SPTLC2: variants seen among roughly 807,000 people sequenced by gnomAD.
SPTLC2 encodes the protein serine palmitoyltransferase long chain base subunit 2, also known as serine palmitoyltransferase 2.
SPTLC2 carries 21 observed loss-of-function variants against 62.0 expected under a neutral mutation model. The ratio of observed to expected loss-of-function variants is 0.34; its 90% CI spans 0.24 to 0.49. SPTLC2 has a LOEUF of 0.49. Ranked by LOEUF, SPTLC2 falls within the 20% of genes least tolerant of loss-of-function variation. The probability of loss-of-function intolerance (pLI) is 0.99; values close to 1 mark genes in which losing one functional copy is unlikely to be tolerated. For missense variants in SPTLC2, 511 were observed against 713.0 expected (o/e 0.72, Z 3.23); for synonymous variants, 261 against 261.8 (o/e 1.00, Z 0.03).
At chr14:77,611,458 C>A (rs201895224) in intron 1 of SPTLC2, among the ~76,000 whole-genome samples, 779 of 110,552 alleles carry the variant, frequency 7.0e-3, no homozygotes, top group African/African-American at 0.012. Context: ...CCTATCTCGC[C>A]AAAAAAAAAA....
chr14:77,584,896 A>G (rs2079772741), intron 2 of SPTLC2, among the ~76,000 whole-genome samples: 1 of 152,226 alleles, frequency 6.6e-6, no homozygotes, highest in African/African-American at 2.4e-5. Flanking sequence ...TGCCAGTGAG[A>G]AGCACATACA....
Position 77,512,193 on chromosome 14 carries a change from G to A in SPTLC2, c.*91C>T, listed in dbSNP as rs1456008483. 6 of 1,582,856 alleles carry A rather than the reference G, an allele frequency of 3.8e-6. No homozygotes were observed. Among genetic ancestry groups the A allele is most frequent in the African/African-American group, 2.7e-5 (2 of 74,204 alleles). ...GAGGCAATGTCTTTCACGTGAGATG[G>A]CCACAGAAGTGTGGTTCCTGGAACT... On this transcript the variant is annotated 3_prime_UTR_variant, in exon 12 of 12. Coordinates refer to ENST00000216484, the MANE Select transcript of SPTLC2 (RefSeq NM_004863.4).
chr14:77,616,618 C>T lies in SPTLC2; in HGVS notation c.-39G>A, dbSNP rs1278311732. The T allele has an allele frequency of 3.3e-6, 5 of 1,526,470 alleles. No individual in the cohort carries two copies. Among genetic ancestry groups the T allele is most frequent in the Non-Finnish European group, 3.5e-6 (4 of 1,139,650 alleles). 94.6% of individuals were successfully genotyped at this position (1,526,470 alleles called of 1,614,324 possible). Reference sequence around the variant, plus strand: ...CCAGGCGCAAGGCAGGCTCTGTAGGCGGTGGCAGCGGCGGCGGCTGCTCCA... The same window carrying T: ...CCAGGCGCAAGGCAGGCTCTGTAGGTGGTGGCAGCGGCGGCGGCTGCTCCA... On this transcript the variant is annotated 5_prime_UTR_variant, in exon 1 of 12. Transcript: ENST00000216484.
chr14:77,514,501 T>G (rs1219282327), intron 11 of SPTLC2, among the ~76,000 whole-genome samples: 1 of 152,192 alleles, frequency 6.6e-6, no homozygotes, highest in Non-Finnish European at 1.5e-5. Context: ...ACAGAACCTC[T>G]AGATCACAGG....
At chr14:77,615,623 G>A (rs1308085899) in intron 1 of SPTLC2, among the ~76,000 whole-genome samples, 1 of 152,170 alleles carries the variant, frequency 6.6e-6, no homozygotes, top group Non-Finnish European at 1.5e-5. Context: ...TGTCAGTCCA[G>A]ACCACTGTAA....
intron 1 of SPTLC2, among the ~76,000 whole-genome samples, chr14:77,606,425 T>A (rs892735108): frequency 1.3e-5 from 2 of 151,102 alleles, no homozygotes; most frequent in African/African-American, 4.9e-5. Flanking sequence ...GCAGTCTACA[T>A]GTTCACCTTC....
intron 9 of SPTLC2, among the ~76,000 whole-genome samples, chr14:77,528,753 C>G (rs544485093): frequency 6.6e-6 from 1 of 152,292 alleles, no homozygotes; most frequent in Admixed American, 6.5e-5. Context: ...ATATCTCTTT[C>G]ATTTAACAAT....
chr14:77,540,001 A>T (rs543582302), intron 9 of SPTLC2, among the ~76,000 whole-genome samples: 1 of 152,116 alleles, frequency 6.6e-6, no homozygotes, highest in Admixed American at 6.5e-5. Context: ...GTTCTAGACC[A>T]GCCTGACCAA....
At chr14:77,588,364 A>G (rs1379756089) in intron 2 of SPTLC2, among the ~76,000 whole-genome samples, 1 of 151,664 alleles carries the variant, frequency 6.6e-6, no homozygotes, top group African/African-American at 2.4e-5. Flanking sequence ...TTCCCACCTG[A>G]GGAAGTGTTG....
chr14:77,556,956 GA>G, intron 7 of SPTLC2, 84 bp downstream of exon 7: 1 of 1,058,870 alleles, frequency 9.4e-7, no homozygotes, highest in Non-Finnish European at 1.5e-6. Flanking sequence ...TCCAGAGGGG[GA>G]TAGACTAATG....
At chr14:77,537,993 CTTG>C (rs2079479790) in intron 9 of SPTLC2, among the ~76,000 whole-genome samples, 1 of 152,178 alleles carries the variant, frequency 6.6e-6, no homozygotes, top group Admixed American at 6.5e-5. Flanking sequence ...TCTTACTTCC[CTTG>C]TTGTTTCCAA....
At chr14:77,614,969 GA>G (rs5809840) in intron 1 of SPTLC2, among the ~76,000 whole-genome samples, 10 of 135,982 alleles carry the variant, frequency 7.4e-5, no homozygotes, top group African/African-American at 1.3e-4. Flanking sequence ...AAAACTGTCT[GA>G]AAAAAAAAAA....
rs546143558 is a variant in SPTLC2, at chr14:77,510,809, G to A, written c.*1475C>T. 2 of 152,648 alleles carry A rather than the reference G, an allele frequency of 1.3e-5. No homozygotes were observed. The highest frequency in any genetic ancestry group is 4.8e-5 in the African/African-American group (2 of 41,540). 9.5% of individuals were successfully genotyped at this position (152,648 alleles called of 1,614,324 possible). A position where few individuals can be genotyped will look rare whatever the true frequency, so the allele number is the denominator to read the frequency against. On this transcript the variant is annotated 3_prime_UTR_variant, in exon 12 of 12. Transcript: ENST00000216484. ...CTTTCATACACTGTTTTTCCATTCT[G>A]TTCCCAATCCTTCTCCTGTAATACT...
At chr14:77,565,575 A>C (rs2079640573) in intron 5 of SPTLC2, among the ~76,000 whole-genome samples, 2 of 152,202 alleles carry the variant, frequency 1.3e-5, no homozygotes, top group African/African-American at 2.4e-5. Flanking sequence ...AACCATAACA[A>C]CACAACAGAC....
At chr14:77,600,746 G>A (rs556262633) in intron 1 of SPTLC2, among the ~76,000 whole-genome samples, 7 of 152,212 alleles carry the variant, frequency 4.6e-5, no homozygotes, top group African/African-American at 1.7e-4. Flanking sequence ...TGCTTGAACA[G>A]TAATATTACT....
intron 5 of SPTLC2, among the ~76,000 whole-genome samples, chr14:77,565,840 T>C (rs1594993485): frequency 6.6e-6 from 1 of 152,202 alleles, no homozygotes; most frequent in African/African-American, 2.4e-5. Flanking sequence ...TCCACTGTTA[T>C]GCAAGATGTT....
rs180842550 is a variant in SPTLC2 at position 77,546,796 on chromosome 14, C to T, written c.1303+5300G>A. Among the ~76,000 whole-genome samples, 531 of 151,688 alleles carry T rather than the reference C, an allele frequency of 3.5e-3. 4 individuals are homozygous for T. Among genetic ancestry groups the T allele is most frequent in the South Asian group, 6.9e-3 (33 of 4,810 alleles). ...TGTTGCCCAGGTTGGAGTGTAATGG[C>T]GCGATCTCAGCTCACCGCAACCTCC... On this transcript the variant is annotated intron_variant, in intron 9 of 11. Coordinates refer to ENST00000216484, the MANE Select transcript of SPTLC2 (RefSeq NM_004863.4).
At chr14:77,602,709 CA>C (rs2079884804) in intron 1 of SPTLC2, among the ~76,000 whole-genome samples, 1 of 152,046 alleles carries the variant, frequency 6.6e-6, no homozygotes, top group Non-Finnish European at 1.5e-5. Context: ...AAGAGATTAA[CA>C]TAAGATAACA....
chr14:77,532,740 T>A (rs180824351), intron 9 of SPTLC2, among the ~76,000 whole-genome samples: 2 of 151,682 alleles, frequency 1.3e-5, no homozygotes, highest in Admixed American at 6.6e-5. Flanking sequence ...GCCGAGATAG[T>A]GCCACTGCAC....
Sources: gnomAD v4.1 joint callset for allele counts (sites outside exome capture counted in the v4.1 genomes callset) on GRCh38, gnomAD v4.1.1 for gene constraint, MANE v1.5 for transcripts, NCBI Gene and HGNC (gene_info 2026-07-23, HGNC 2026-07-21) for gene names.